The following RPH3A variants were observed in gnomAD, a reference collection of about 807,000 sequenced individuals.
The protein encoded by RPH3A is rabphilin 3A, also known as rabphilin-3A.
RPH3A carries 48 observed loss-of-function variants against 102.2 expected under a neutral mutation model. The observed-to-expected ratio is 0.47, with a 90% CI of 0.37 to 0.60. RPH3A has a LOEUF of 0.60. RPH3A is among the 20% of genes least tolerant of loss of function. The pLI, the probability that RPH3A is intolerant of heterozygous loss-of-function variation, is 0.00. For synonymous variants in RPH3A, 310 were observed against 324.3 expected (o/e 0.96, Z 0.47); for missense variants, 781 against 910.1 (o/e 0.86, Z 1.83).
At chr12:112,700,068 C>CT (rs879523107) in intron 1 of RPH3A, among the ~76,000 whole-genome samples, 225 of 144,192 alleles carry the variant, frequency 1.6e-3, no homozygotes, top group Admixed American at 1.7e-3. Flanking sequence ...TTAATGAATT[C>CT]TTTTTTTTTT....
At chr12:112,810,965 A>ATG (rs1491078768) in intron 2 of RPH3A, among the ~76,000 whole-genome samples, 2 of 63,520 alleles carry the variant, frequency 3.1e-5, no homozygotes, top group Non-Finnish European at 4.7e-5. Context: ...GTGTGTACAT[A>ATG]TATGTGTGTG....
chr12:112,726,972 G>A (rs963048438), intron 1 of RPH3A, among the ~76,000 whole-genome samples: 12 of 152,114 alleles, frequency 7.9e-5, no homozygotes, highest in African/African-American at 2.9e-4. Flanking sequence ...GCAGTGAGCC[G>A]AGACTGCGCC....
intron 1 of RPH3A, among the ~76,000 whole-genome samples, chr12:112,760,166 T>TC (rs910882994): frequency 3.3e-5 from 5 of 152,096 alleles, no homozygotes; most frequent in Non-Finnish European, 7.4e-5. Context: ...TCTCATTACC[T>TC]CCCCACTGAC....
chr12:112,652,082 G>A (rs1413821528), intron 1 of RPH3A, among the ~76,000 whole-genome samples: 1 of 152,140 alleles, frequency 6.6e-6, no homozygotes, highest in Admixed American at 6.5e-5. Flanking sequence ...GTCCATTTGA[G>A]TCTCTGCTTT....
chr12:112,877,914 C>T (rs185758718), intron 13 of RPH3A, among the ~76,000 whole-genome samples: 214 of 152,320 alleles, frequency 1.4e-3, no homozygotes, highest in African/African-American at 5.1e-3. Context: ...CCTATTTAAT[C>T]TTCCCTACGA....
chr12:112,752,797 GC>G (rs1282788716), intron 1 of RPH3A, among the ~76,000 whole-genome samples: 3 of 151,870 alleles, frequency 2.0e-5, no homozygotes, highest in African/African-American at 7.2e-5. Flanking sequence ...ATAGGGCCAT[GC>G]TTTATAGACT....
chr12:112,591,928 C>G (rs1336325740), intron 1 of RPH3A, among the ~76,000 whole-genome samples: 1 of 152,142 alleles, frequency 6.6e-6, no homozygotes, highest in Non-Finnish European at 1.5e-5. Context: ...TTCTAGGACC[C>G]CCTTGGATAC....
intron 2 of RPH3A, among the ~76,000 whole-genome samples, chr12:112,826,567 C>T (rs2041877358): frequency 1.3e-5 from 2 of 152,104 alleles, no homozygotes; most frequent in South Asian, 2.1e-4. Flanking sequence ...CCATGGAGGC[C>T]CCCTTCTGCC....
intron 19 of RPH3A, among the ~76,000 whole-genome samples, chr12:112,892,678 G>A (rs1462221237): frequency 6.6e-6 from 1 of 152,216 alleles, no homozygotes; most frequent in Non-Finnish European, 1.5e-5. Context: ...GGAGAATGCA[G>A]GCTGAGAGGT....
chr12:112,688,891 G>A (rs2040286841), intron 1 of RPH3A, among the ~76,000 whole-genome samples: 1 of 152,160 alleles, frequency 6.6e-6, no homozygotes, highest in Non-Finnish European at 1.5e-5. Flanking sequence ...ATTTATAAGT[G>A]GAGGAGCTGA....
chr12:112,891,029 G>A (rs2043086615), intron 19 of RPH3A, 26 bp downstream of exon 19: 2 of 1,613,522 alleles, frequency 1.2e-6, no homozygotes, highest in African/African-American at 1.3e-5. Context: ...GGGGCTACAG[G>A]TGGGCCCTGA....
At chr12:112,769,506 C>A (rs11066408) in intron 1 of RPH3A, among the ~76,000 whole-genome samples, 3 of 152,138 alleles carry the variant, frequency 2.0e-5, no homozygotes, top group Non-Finnish European at 4.4e-5. Flanking sequence ...TCTTAGCTAA[C>A]CTTGTAGAGA....
intron 1 of RPH3A, among the ~76,000 whole-genome samples, chr12:112,576,263 T>TG (rs2039358455): frequency 6.6e-6 from 1 of 152,132 alleles, no homozygotes. Context: ...AGTTCAGCTG[T>TG]GGGGGTCGCC....
At position 112,776,891 on chromosome 12, in the gene RPH3A, A is replaced by C. The variant is rs1186274374; in HGVS notation, c.-139-15252A>C. Among the ~76,000 whole-genome samples the C allele has an allele frequency of 8.0e-4, 118 of 148,378 alleles. 9 individuals carry two copies. In the East Asian group the frequency reaches 0.011, roughly 14 times the overall value. ...TCCATCTCAAAAAAAAAAAAAAAAA[A>C]AAAAAAAAAAAAAAAAAAAAGAAAG... is the stretch of plus-strand genomic sequence containing the variant. On this transcript the variant is annotated intron_variant, in intron 1 of 21. Coordinates refer to the RPH3A transcript ENST00000543106.
rs1204934715 is a variant in RPH3A at position 112,693,970 on chromosome 12, G to A, written c.-139-98173G>A. Among the ~76,000 whole-genome samples the A allele has an allele frequency of 5.3e-5, 8 of 152,214 alleles. No homozygotes were observed. In the East Asian group the frequency reaches 1.5e-3, roughly 29 times the overall value. On this transcript the variant is annotated intron_variant, in intron 1 of 21. Transcript: ENST00000543106. The stretch of plus-strand genomic sequence containing the variant: ...TAAATATTTGCTGATTGAAGGCCAG[G>A]AGCCTTGCAATGGCTTTCTAACTGG...
At chr12:112,695,117 A>G (rs2040340267) in intron 1 of RPH3A, 1 of 170,442 alleles carries the variant, frequency 5.9e-6, no homozygotes, top group Non-Finnish European at 1.5e-5. Context: ...TGTATGGGAT[A>G]TTCTTACATA....
chr12:112,605,361 C>G (rs761460422), intron 1 of RPH3A, among the ~76,000 whole-genome samples: 4 of 151,548 alleles, frequency 2.6e-5, no homozygotes, highest in African/African-American at 7.3e-5. Context: ...GTTGGCAGAG[C>G]AAGACTCCAT....
intron 1 of RPH3A, among the ~76,000 whole-genome samples, chr12:112,714,735 G>C (rs766007609): frequency 1.4e-4 from 21 of 152,112 alleles, no homozygotes; most frequent in African/African-American, 1.7e-4. Context: ...AATCGATGGA[G>C]TGACGGTTGA....
intron 10 of RPH3A, among the ~76,000 whole-genome samples, chr12:112,871,007 A>G (rs953577221): frequency 6.6e-6 from 1 of 152,212 alleles, no homozygotes; most frequent in Admixed American, 6.5e-5. Context: ...CGCATTTTAC[A>G]GAATGGAGAA....
Sources: gnomAD v4.1 joint callset for allele counts (sites outside exome capture counted in the v4.1 genomes callset) on GRCh38, gnomAD v4.1.1 for gene constraint, MANE v1.5 for transcripts, NCBI Gene and HGNC (gene_info 2026-07-23, HGNC 2026-07-21) for gene names.